Variants in GPC5 observed in about 807,000 individuals in gnomAD.
GPC5 encodes glypican 5.
In GPC5, 47 loss-of-function variants were observed where a neutral mutation model predicts 53.9. The ratio of observed to expected loss-of-function variants is 0.87; its 90% CI spans 0.69 to 1.11. The LOEUF is 1.11. Among genes scored for constraint, GPC5 ranks in the 50% most tolerant of loss-of-function variants. The probability of loss-of-function intolerance (pLI) is 0.00; values close to 1 mark genes in which losing one functional copy is unlikely to be tolerated. For synonymous variants in GPC5, 286 were observed against 263.3 expected (o/e 1.09, Z -0.84); for missense variants, 748 against 713.1 (o/e 1.05, Z -0.56).
At chr13:92,147,785 C>A (rs2041878957) in intron 7 of GPC5, among the ~76,000 whole-genome samples, 2 of 152,134 alleles carry the variant, frequency 1.3e-5, no homozygotes, top group East Asian at 3.9e-4. Flanking sequence ...TGTTGCCTTT[C>A]AATTTTTAAT....
intron 7 of GPC5, among the ~76,000 whole-genome samples, chr13:92,367,309 T>C (rs1261655919): frequency 1.3e-5 from 2 of 152,202 alleles, no homozygotes; most frequent in African/African-American, 4.8e-5. Flanking sequence ...ATGCAAACAA[T>C]ATTTAATTTT....
chr13:92,192,832 C>T (rs955845438), intron 7 of GPC5, among the ~76,000 whole-genome samples: 15 of 152,186 alleles, frequency 9.9e-5, no homozygotes, highest in South Asian at 4.1e-4. Flanking sequence ...TTCATTATTA[C>T]TTTTTTTAAA....
rs574888938 is a variant in GPC5 at position 91,554,878 on chromosome 13, A to G, written c.325+105956A>G. On this transcript the variant is annotated intron_variant, in intron 2 of 7. Transcript: ENST00000377067. Reference sequence around the variant, plus strand: ...TAACACACAGGCGGAAGCCCTAACAATCCTCTTCACTTATCTTCTCTCTTA... The same window carrying G: ...TAACACACAGGCGGAAGCCCTAACAGTCCTCTTCACTTATCTTCTCTCTTA... Among the ~76,000 whole-genome samples the G allele has an allele frequency of 3.3e-5, 5 of 152,140 alleles. No individual in the cohort carries two copies. The South Asian group carries it at 8.3e-4, about 25-fold the overall frequency.
chr13:91,738,818 T>G (rs2036868454), intron 4 of GPC5, among the ~76,000 whole-genome samples: 1 of 151,244 alleles, frequency 6.6e-6, no homozygotes, highest in Non-Finnish European at 1.5e-5. Flanking sequence ...TTTTATGCTA[T>G]TTTACCAACA....
chr13:92,155,696 C>T (rs973483148), intron 7 of GPC5, among the ~76,000 whole-genome samples: 2 of 152,046 alleles, frequency 1.3e-5, no homozygotes, highest in Non-Finnish European at 2.9e-5. Context: ...ATTAGTGGTG[C>T]TTTTTTGCTT....
chr13:91,992,866 A>G (rs926247839), intron 6 of GPC5, among the ~76,000 whole-genome samples: 2 of 152,038 alleles, frequency 1.3e-5, no homozygotes, highest in African/African-American at 4.8e-5. Context: ...AAAACAGAAG[A>G]CTCCTGATTG....
intron 5 of GPC5, among the ~76,000 whole-genome samples, chr13:91,871,825 A>G (rs909015423): frequency 2.0e-5 from 3 of 152,126 alleles, no homozygotes; most frequent in Non-Finnish European, 4.4e-5. Flanking sequence ...ACGCTAGATT[A>G]GTGCAGAGCC....
chr13:91,655,953 A>C (rs1447037686), intron 2 of GPC5, among the ~76,000 whole-genome samples: 2 of 152,160 alleles, frequency 1.3e-5, no homozygotes, highest in South Asian at 4.1e-4. Flanking sequence ...CAGAGCCCTG[A>C]ATAAACAGAA....
intron 7 of GPC5, among the ~76,000 whole-genome samples, chr13:92,514,042 G>A (rs189182787): frequency 8.1e-4 from 123 of 151,948 alleles, no homozygotes; most frequent in Admixed American, 4.1e-3. Flanking sequence ...AATTTACTCA[G>A]ATAAATCAGT....
chr13:92,560,857 ATGTGTG>A lies in GPC5; in HGVS notation c.1562-305389_1562-305384del, dbSNP rs34114433. Among the ~76,000 whole-genome samples, 677 of 139,248 alleles carry A rather than the reference ATGTGTG, an allele frequency of 4.9e-3. 8 individuals carry two copies. Among genetic ancestry groups the A allele is most frequent in the African/African-American group, 0.016 (627 of 38,090 alleles). 91.4% of individuals were successfully genotyped at this position (139,248 alleles called of 152,430 possible). ...AAATGTTAGAGAAATAGAAAATTAT[ATGTGTG>A]TGTGTGTGTGTGTGTGTGTGTGTGT... is the stretch of plus-strand genomic sequence containing the variant. On this transcript the variant is annotated intron_variant, in intron 7 of 7. Coordinates refer to ENST00000377067, the MANE Select transcript of GPC5 (RefSeq NM_004466.6).
At chr13:91,969,299 T>C (rs2040218455) in intron 6 of GPC5, among the ~76,000 whole-genome samples, 2 of 152,150 alleles carry the variant, frequency 1.3e-5, no homozygotes, top group Admixed American at 1.3e-4. Context: ...ATTTCTTTGA[T>C]ACATTTTAAA....
At chr13:91,749,171 C>A (rs995809080) in intron 4 of GPC5, among the ~76,000 whole-genome samples, 2 of 152,062 alleles carry the variant, frequency 1.3e-5, no homozygotes, top group African/African-American at 4.8e-5. Context: ...GCATACCTCA[C>A]CCCACTTCCA....
chr13:92,294,634 T>C (rs2043020856), intron 7 of GPC5, among the ~76,000 whole-genome samples: 1 of 151,914 alleles, frequency 6.6e-6, no homozygotes, highest in Admixed American at 6.6e-5. Context: ...CAGTTTTATT[T>C]ACCTGTTCAA....
chr13:92,494,037 TA>T (rs1879866664), intron 7 of GPC5, among the ~76,000 whole-genome samples: 1 of 144,932 alleles, frequency 6.9e-6, no homozygotes, highest in Admixed American at 6.9e-5. Context: ...CACTGGACAT[TA>T]AAAGAATTAC....
chr13:92,595,563 T>C (rs1400252286), intron 7 of GPC5, among the ~76,000 whole-genome samples: 2 of 151,532 alleles, frequency 1.3e-5, no homozygotes, highest in African/African-American at 4.8e-5. Flanking sequence ...GGTCAGGAGA[T>C]CGAGACCATC....
chr13:91,830,430 C>A (rs1302251357), intron 5 of GPC5, among the ~76,000 whole-genome samples: 2 of 151,848 alleles, frequency 1.3e-5, no homozygotes, highest in Non-Finnish European at 2.9e-5. Flanking sequence ...CGTGAGGCAA[C>A]ATACATCCTC....
chr13:92,527,773 A>G (rs1165792347), intron 7 of GPC5, among the ~76,000 whole-genome samples: 1 of 152,100 alleles, frequency 6.6e-6, no homozygotes, highest in African/African-American at 2.4e-5. Context: ...TTAAATACTA[A>G]ATTTTTCTTA....
chr13:91,749,005 C>T (rs1426454483), intron 4 of GPC5, among the ~76,000 whole-genome samples: 3 of 151,846 alleles, frequency 2.0e-5, no homozygotes, highest in Admixed American at 6.6e-5. Flanking sequence ...AGCGCTCTTA[C>T]GCCATGGCAA....
chr13:91,449,098 G>GA (rs1881005774), intron 2 of GPC5, among the ~76,000 whole-genome samples, 176 bp downstream of exon 2: 1 of 152,058 alleles, frequency 6.6e-6, no homozygotes, highest in Non-Finnish European at 1.5e-5. Flanking sequence ...GTCATTGTGG[G>GA]AGTATATACT....
Sources: allele counts gnomAD v4.1 joint callset (sites outside exome capture counted in the v4.1 genomes callset), GRCh38; gene constraint gnomAD v4.1.1; transcripts MANE v1.5; gene names NCBI Gene and HGNC (gene_info 2026-07-23, HGNC 2026-07-21).